The following PDE4D variants were observed in gnomAD, a reference collection of about 807,000 sequenced individuals.
PDE4D encodes phosphodiesterase 4D.
Under a neutral mutation model 87.4 loss-of-function variants are expected in PDE4D, and 24 were observed. The observed-to-expected ratio is 0.27, with a 90% CI of 0.20 to 0.39. The LOEUF is 0.39. PDE4D is among the 10% of genes least tolerant of loss of function. The pLI, the probability that PDE4D is intolerant of heterozygous loss-of-function variation, is 1.00. For synonymous variants in PDE4D, 384 were observed against 383.2 expected, an observed-to-expected ratio of 1.00 and a Z score of -0.02; for missense variants, 714 against 1,041.0, an observed-to-expected ratio of 0.69 and a Z score of 4.32.
intron 1 of PDE4D, among the ~76,000 whole-genome samples, chr5:59,484,244 C>G (rs1169899629): frequency 1.3e-5 from 2 of 152,176 alleles, no homozygotes; most frequent in East Asian, 3.9e-4. Context: ...GGCTTCCCCT[C>G]CAAGCCAAAT....
intron 5 of PDE4D, chr5:59,157,291 C>A (rs1211751876): frequency 1.4e-6 from 1 of 702,012 alleles, no homozygotes; most frequent in South Asian, 1.5e-5. Flanking sequence ...CAAGGTCAGC[C>A]AAATCATCTG....
chr5:60,127,616 T>C (rs960146782), intron 2 of PDE4D: 13 of 543,218 alleles, frequency 2.4e-5, no homozygotes, highest in Non-Finnish European at 4.3e-5. Flanking sequence ...AGGTGAAGAA[T>C]TGGATGACTG....
At chr5:59,393,575 A>T (rs1788674380) in intron 1 of PDE4D, among the ~76,000 whole-genome samples, 1 of 152,218 alleles carries the variant, frequency 6.6e-6, no homozygotes, top group South Asian at 2.1e-4. Flanking sequence ...ATTCTAGTGA[A>T]GTCTTACATT....
intron 1 of PDE4D, among the ~76,000 whole-genome samples, chr5:59,256,418 T>G (rs1248033783): frequency 6.6e-6 from 1 of 152,060 alleles, no homozygotes; most frequent in Non-Finnish European, 1.5e-5. Flanking sequence ...CTCTGCAGAT[T>G]TAAAATGACC....
At chr5:59,482,019 A>C (rs1392726594) in intron 1 of PDE4D, among the ~76,000 whole-genome samples, 1 of 152,000 alleles carries the variant, frequency 6.6e-6, no homozygotes, top group Non-Finnish European at 1.5e-5. Flanking sequence ...TGCTTACAAA[A>C]CCCACTTCTT....
chr5:59,387,852 TA>T (rs1213719491), intron 1 of PDE4D, among the ~76,000 whole-genome samples: 2 of 152,142 alleles, frequency 1.3e-5, no homozygotes, highest in Non-Finnish European at 2.9e-5. Flanking sequence ...GTATTGTTGT[TA>T]ACTATAGTCA....
At chr5:59,267,062 T>C (rs987453617) in intron 1 of PDE4D, among the ~76,000 whole-genome samples, 2 of 152,070 alleles carry the variant, frequency 1.3e-5, no homozygotes, top group Non-Finnish European at 2.9e-5. Context: ...AGGTTATGAC[T>C]CCAACTATGA....
At chr5:60,374,346 A>G (rs1761268031) in intron 1 of PDE4D, among the ~76,000 whole-genome samples, 1 of 152,214 alleles carries the variant, frequency 6.6e-6, no homozygotes, top group Non-Finnish European at 1.5e-5. Flanking sequence ...GAGAAAAAGG[A>G]GAGCAAAAAA....
intron 2 of PDE4D, among the ~76,000 whole-genome samples, chr5:59,205,474 T>C (rs992951568): frequency 6.6e-6 from 1 of 152,100 alleles, no homozygotes; most frequent in African/African-American, 2.4e-5. Flanking sequence ...CTGTTTTGTT[T>C]TTACCATGCC....
chr5:58,985,178 G>C (rs1374555569), intron 11 of PDE4D, among the ~76,000 whole-genome samples: 2 of 152,142 alleles, frequency 1.3e-5, no homozygotes, highest in Non-Finnish European at 2.9e-5. Context: ...ACCTCCCAAA[G>C]TGCTGGGATT....
At chr5:59,550,046 T>A (rs1490458497) in intron 1 of PDE4D, among the ~76,000 whole-genome samples, 1 of 151,946 alleles carries the variant, frequency 6.6e-6, no homozygotes, top group Non-Finnish European at 1.5e-5. Context: ...AAACCACCTA[T>A]AACACTTTGA....
intron 1 of PDE4D, among the ~76,000 whole-genome samples, chr5:59,887,221 A>G (rs149578292): frequency 2.0e-5 from 3 of 152,312 alleles, no homozygotes; most frequent in East Asian, 1.9e-4. Context: ...AGCAAATTTT[A>G]TAGAGTTCTC....
At chr5:59,522,853 G>A (rs1182355182) in intron 1 of PDE4D, among the ~76,000 whole-genome samples, 1 of 152,116 alleles carries the variant, frequency 6.6e-6, no homozygotes, top group Non-Finnish European at 1.5e-5. Flanking sequence ...GAAAAATTCA[G>A]GAATGCAACA....
intron 1 of PDE4D, among the ~76,000 whole-genome samples, chr5:59,266,445 T>C (rs1179128622): frequency 1.3e-5 from 2 of 150,824 alleles, no homozygotes; most frequent in African/African-American, 2.4e-5. Flanking sequence ...TTATTCTCTG[T>C]GGTCTCTTTT....
intron 2 of PDE4D, among the ~76,000 whole-genome samples, chr5:60,062,523 T>C (rs777300131): frequency 5.3e-5 from 8 of 152,196 alleles, no homozygotes; most frequent in Non-Finnish European, 8.8e-5. Context: ...CTCAAGGATC[T>C]AGAACCAGAA....
At chr5:60,322,413 C>CAAAA (rs1452301719) in intron 1 of PDE4D, among the ~76,000 whole-genome samples, 1 of 138,222 alleles carries the variant, frequency 7.2e-6, no homozygotes, top group African/African-American at 2.9e-5. Context: ...CACACACACA[C>CAAAA]ACAAAACCCT....
intron 1 of PDE4D, among the ~76,000 whole-genome samples, chr5:59,644,814 A>G (rs1006475445): frequency 1.3e-5 from 2 of 152,236 alleles, no homozygotes; most frequent in African/African-American, 4.8e-5. Flanking sequence ...CATTCTGTTC[A>G]GTGAATTGGG....
chr5:59,870,700 G>C (rs1747698190), intron 1 of PDE4D, among the ~76,000 whole-genome samples: 1 of 152,136 alleles, frequency 6.6e-6, no homozygotes, highest in African/African-American at 2.4e-5. Flanking sequence ...AAGCTCATTT[G>C]GGATCACAAA....
chr5:60,030,963 T>G (rs1767178297), intron 2 of PDE4D: 1 of 152,232 alleles, frequency 6.6e-6, no homozygotes, highest in Non-Finnish European at 1.5e-5. Context: ...ATTTGGAGAC[T>G]TCTGATCCAG....
Sources: gnomAD v4.1 joint callset for allele counts (sites outside exome capture counted in the v4.1 genomes callset) on GRCh38, gnomAD v4.1.1 for gene constraint, MANE v1.5 for transcripts, NCBI Gene and HGNC (gene_info 2026-07-23, HGNC 2026-07-21) for gene names.